ITPRID1: variants seen among roughly 807,000 people sequenced by gnomAD.
The protein encoded by ITPRID1 is ITPR interacting domain containing 1.
ITPRID1 carries 96 observed loss-of-function variants against 95.4 expected under a neutral mutation model. The observed-to-expected ratio is 1.01, with a 90% CI of 0.85 to 1.19. The LOEUF (loss-of-function observed/expected upper bound fraction) is 1.19. Ranked by LOEUF, ITPRID1 falls within the 50% of genes most tolerant of loss-of-function variation. ITPRID1 has a pLI of 0.00. For synonymous variants in ITPRID1, 510 were observed against 453.6 expected, an observed-to-expected ratio of 1.12 and a Z score of -1.58; for missense variants, 1,339 against 1,252.9, an observed-to-expected ratio of 1.07 and a Z score of -1.04.
chr7:31,592,879 C>A (rs1785927065), intron 10 of ITPRID1, among the ~76,000 whole-genome samples: 1 of 151,840 alleles, frequency 6.6e-6, no homozygotes, highest in Non-Finnish European at 1.5e-5. Flanking sequence ...AAAGGGTGGA[C>A]CTAGAATAAG....
rs547416284 is a variant in ITPRID1, at chr7:31,613,913, G to T, written c.1229-28263G>T. 3.9e-5 allele frequency among the ~76,000 whole-genome samples: 6 copies of T among 152,198 alleles called. 1 individual carries two copies. Among genetic ancestry groups the T allele is most frequent in the Admixed American group, 3.9e-4 (6 of 15,280 alleles). ...AATATTTGCTAATGCATATGTAGGG[G>T]GAGGGAAGTTCCTTATGGAAATATT... On this transcript the variant is annotated intron_variant, in intron 10 of 14. Coordinates refer to ENST00000615280, the MANE Select transcript of ITPRID1 (RefSeq NM_001257967.3).
At chr7:31,564,042 G>T (rs1784712459) in intron 5 of ITPRID1, among the ~76,000 whole-genome samples, 1 of 152,182 alleles carries the variant, frequency 6.6e-6, no homozygotes, top group African/African-American at 2.4e-5. Context: ...AATTTGATTA[G>T]TCTATTGGAC....
At chr7:31,571,875 C>A (rs978275155) in intron 6 of ITPRID1, among the ~76,000 whole-genome samples, 3 of 152,152 alleles carry the variant, frequency 2.0e-5, no homozygotes, top group Non-Finnish European at 4.4e-5. Context: ...TGAGCACTAG[C>A]GGGCACCTAA....
At chr7:31,537,909 G>A (rs539009023) in intron 1 of ITPRID1, among the ~76,000 whole-genome samples, 29 of 152,090 alleles carry the variant, frequency 1.9e-4, no homozygotes, top group African/African-American at 6.5e-4. Context: ...CATTTTTTCT[G>A]TAACAAAATA....
intron 10 of ITPRID1, among the ~76,000 whole-genome samples, chr7:31,599,637 CTTTCTTTCTTTTT>C (rs1562598770): frequency 0.027 from 2,600 of 97,712 alleles, 210 homozygotes; most frequent in African/African-American, 0.096. Flanking sequence ...TTCTTTCTTT[CTTTCTTTCTTTTT>C]CTTTCTTTCC....
At chr7:31,621,887 T>A (rs1049017375) in intron 10 of ITPRID1, among the ~76,000 whole-genome samples, 7 of 151,296 alleles carry the variant, frequency 4.6e-5, no homozygotes, top group Non-Finnish European at 8.8e-5. Flanking sequence ...ACACATAGGC[T>A]CAAAATAAAA....
Position 31,585,842 on chromosome 7 carries a change from T to TA in ITPRID1, c.1228+2651_1228+2652insA, listed in dbSNP as rs1554288485. Among the ~76,000 whole-genome samples, 5 of 152,266 alleles carry TA rather than the reference T, an allele frequency of 3.3e-5. No individual in the cohort carries two copies. The East Asian group carries it at 5.8e-4, about 18-fold the overall frequency. ...AAAGAAGCATGACAAATCTTTTTTT[T>TA]TTATTATTATTATACTTTTAAGTTT... On this transcript the variant is annotated intron_variant, in intron 10 of 14. Coordinates refer to ENST00000615280, the MANE Select transcript of ITPRID1 (RefSeq NM_001257967.3).
At chr7:31,645,530 C>A (rs537567886) in intron 12 of ITPRID1, among the ~76,000 whole-genome samples, 1 of 151,590 alleles carries the variant, frequency 6.6e-6, no homozygotes, top group Admixed American at 6.6e-5. Context: ...CTGGGTGGTT[C>A]TTGAGTATCA....
At chr7:31,567,347 T>C (rs185342366) in intron 5 of ITPRID1, among the ~76,000 whole-genome samples, 55 of 152,324 alleles carry the variant, frequency 3.6e-4, no homozygotes, top group Admixed American at 5.2e-4. Flanking sequence ...CCTGTTTCTT[T>C]TTTAATTCCA....
At chr7:31,646,046 G>A (rs1286973598) in intron 12 of ITPRID1, among the ~76,000 whole-genome samples, 5 of 152,178 alleles carry the variant, frequency 3.3e-5, no homozygotes, top group Non-Finnish European at 5.9e-5. Context: ...ACAAAGAAAG[G>A]CTGGTTGTTG....
chr7:31,523,544 T>C (rs1306839654), intron 1 of ITPRID1, among the ~76,000 whole-genome samples: 3 of 152,160 alleles, frequency 2.0e-5, no homozygotes, highest in Non-Finnish European at 4.4e-5. Flanking sequence ...GGATTCCCAA[T>C]GTTGGAGGTG....
At chr7:31,555,365 T>G (rs1784413697) in intron 5 of ITPRID1, 1 of 152,956 alleles carries the variant, frequency 6.5e-6, no homozygotes, top group Admixed American at 6.5e-5. Flanking sequence ...GTACAAGTAT[T>G]TCTGAAGGAG....
intron 12 of ITPRID1, among the ~76,000 whole-genome samples, chr7:31,645,206 A>G (rs1202100216): frequency 6.6e-6 from 1 of 152,226 alleles, no homozygotes; most frequent in Non-Finnish European, 1.5e-5. Flanking sequence ...TAAAATATCT[A>G]AATCTATGTA....
intron 10 of ITPRID1, among the ~76,000 whole-genome samples, chr7:31,625,865 A>C (rs1188374152): frequency 1.3e-5 from 2 of 152,120 alleles, no homozygotes. Flanking sequence ...ATAAATGCTT[A>C]AAATAAAGTG....
intron 6 of ITPRID1, among the ~76,000 whole-genome samples, chr7:31,570,687 A>T (rs188659030): frequency 4.3e-4 from 66 of 152,266 alleles, no homozygotes; most frequent in African/African-American, 1.6e-3. Flanking sequence ...TGAAGAGGAA[A>T]ATGAGAGCCA....
intron 14 of ITPRID1, 73 bp from the exon 15 acceptor site, chr7:31,652,445 C>A (rs1791045145): frequency 1.3e-6 from 2 of 1,498,434 alleles, no homozygotes; most frequent in South Asian, 2.7e-5. Context: ...ATGCCTAGCT[C>A]ACAAGTTTGA....
chr7:31,516,442 C>T (rs1783043026), intron 1 of ITPRID1, among the ~76,000 whole-genome samples: 1 of 152,298 alleles, frequency 6.6e-6, no homozygotes, highest in Non-Finnish European at 1.5e-5. Context: ...ATGACTCTTA[C>T]TGTCTAATTT....
chr7:31,607,169 A>G (rs1436386008), intron 10 of ITPRID1, among the ~76,000 whole-genome samples: 1 of 152,174 alleles, frequency 6.6e-6, no homozygotes, highest in Non-Finnish European at 1.5e-5. Flanking sequence ...CTCTGTCCTC[A>G]GTGTGCTTTC....
At chr7:31,642,573 A>T (rs1790121480) in intron 11 of ITPRID1, 109 bp from the exon 12 acceptor site, 3 of 980,684 alleles carry the variant, frequency 3.1e-6, no homozygotes, top group Non-Finnish European at 4.4e-6. Context: ...TGATGTTGCA[A>T]CCCTTATCTC....
Sources: allele counts gnomAD v4.1 joint callset (sites outside exome capture counted in the v4.1 genomes callset), GRCh38; gene constraint gnomAD v4.1.1; transcripts MANE v1.5; gene names NCBI Gene and HGNC (gene_info 2026-07-23, HGNC 2026-07-21).